The following KANK4 variants were observed in gnomAD, a reference collection of about 807,000 sequenced individuals.
The protein encoded by KANK4 is KN motif and ankyrin repeat domain-containing protein 4.
Under a neutral mutation model 80.8 loss-of-function variants are expected in KANK4, and 50 were observed. That is an observed-to-expected ratio of 0.62 (90% CI 0.49 to 0.78). The LOEUF (loss-of-function observed/expected upper bound fraction) is 0.78, where lower values mean the gene tolerates loss of function less well. Ranked by LOEUF, KANK4 falls within the 30% of genes least tolerant of loss-of-function variation. The pLI is 0.00. For missense variants in KANK4, 1,196 were observed against 1,240.1 expected (o/e 0.96, Z 0.53); for synonymous variants, 465 against 506.9 (o/e 0.92, Z 1.11).
intron 1 of KANK4, among the ~76,000 whole-genome samples, chr1:62,290,536 C>G (rs899714480): frequency 6.6e-6 from 1 of 152,130 alleles, no homozygotes. Context: ...TGTGCTGGTG[C>G]CCAGGATATA....
chr1:62,288,324 C>A (rs549801606), intron 1 of KANK4, among the ~76,000 whole-genome samples: 1 of 152,336 alleles, frequency 6.6e-6, no homozygotes, highest in Non-Finnish European at 1.5e-5. Context: ...CCAAGTCCAG[C>A]AAGATGGGGG....
chr1:62,240,102 A>C (rs1310125444), intron 9 of KANK4, among the ~76,000 whole-genome samples: 2 of 152,214 alleles, frequency 1.3e-5, no homozygotes, highest in Non-Finnish European at 2.9e-5. Flanking sequence ...TGTCTTCCAC[A>C]ATGGTTGAAC....
intron 1 of KANK4, among the ~76,000 whole-genome samples, chr1:62,306,942 T>G (rs772765893): frequency 2.0e-5 from 3 of 152,140 alleles, no homozygotes; most frequent in Non-Finnish European, 4.4e-5. Flanking sequence ...TTTTTAAGCT[T>G]AAAAGGATAA....
intron 1 of KANK4, among the ~76,000 whole-genome samples, chr1:62,303,566 T>C (rs1557508041): frequency 6.6e-6 from 1 of 152,028 alleles, no homozygotes; most frequent in Non-Finnish European, 1.5e-5. Context: ...CTGCCCAATA[T>C]CGTAGCCACC....
intron 1 of KANK4, among the ~76,000 whole-genome samples, chr1:62,282,735 A>G (rs553627367): frequency 6.6e-6 from 1 of 152,326 alleles, no homozygotes; most frequent in African/African-American, 2.4e-5. Flanking sequence ...CATCTCCTCC[A>G]GCCCGTTTGC....
chr1:62,288,031 C>A (rs1350739457), intron 1 of KANK4, among the ~76,000 whole-genome samples: 3 of 152,138 alleles, frequency 2.0e-5, no homozygotes, highest in Non-Finnish European at 4.4e-5. Flanking sequence ...GCTGGAGGCA[C>A]GCAGCATTTC....
intron 6 of KANK4, 33 bp downstream of exon 6, chr1:62,266,699 A>C (rs753735627): frequency 1.4e-6 from 2 of 1,425,642 alleles, no homozygotes; most frequent in African/African-American, 2.8e-5. Flanking sequence ...AACAGAAGGG[A>C]AATCTTTACA....
At chr1:62,241,411 A>G (rs989152706) in intron 9 of KANK4, among the ~76,000 whole-genome samples, 9 of 152,106 alleles carry the variant, frequency 5.9e-5, no homozygotes, top group Admixed American at 2.6e-4. Context: ...CAAAACATAC[A>G]AACTCTTTCC....
intron 7 of KANK4, among the ~76,000 whole-genome samples, chr1:62,258,755 CAA>C (rs1185551684): frequency 2.0e-5 from 3 of 152,074 alleles, no homozygotes; most frequent in Non-Finnish European, 4.4e-5. Context: ...AAATGAAAAG[CAA>C]AGAGTGTCTC....
At chr1:62,283,225 C>T (rs1433966085) in intron 1 of KANK4, among the ~76,000 whole-genome samples, 1 of 152,202 alleles carries the variant, frequency 6.6e-6, no homozygotes, top group Admixed American at 6.5e-5. Flanking sequence ...ATCGCAGCCT[C>T]TCCTGCTCCT....
intron 9 of KANK4, among the ~76,000 whole-genome samples, chr1:62,244,039 G>C (rs1356483436): frequency 6.6e-6 from 1 of 151,768 alleles, no homozygotes; most frequent in African/African-American, 2.4e-5. Context: ...CTAGATGTCA[G>C]ATTCAGCCTT....
chr1:62,237,536 TTTTC>T lies in KANK4; in HGVS notation c.*737_*740del, dbSNP rs1488735000. On this transcript the variant is annotated 3_prime_UTR_variant, in exon 10 of 10. Coordinates refer to ENST00000371153, the MANE Select transcript of KANK4 (RefSeq NM_181712.5). ...TGTGTCATTGGATTGAATTTCTTTT[TTTTC>T]TTTATTACATAGCAACTTACTAGAT... 1.3e-5 allele frequency: 2 copies of T among 152,172 alleles called. No homozygotes were observed. The highest frequency in any genetic ancestry group is 4.8e-5 in the African/African-American group (2 of 41,444). The allele number at this position is 152,172 out of a possible 1,614,324, so 9.4% of individuals were successfully genotyped here. A position where few individuals can be genotyped will look rare whatever the true frequency, so the allele number is the denominator to read the frequency against.
At chr1:62,239,081 A>G (rs1570950652) in intron 9 of KANK4, among the ~76,000 whole-genome samples, 1 of 120,802 alleles carries the variant, frequency 8.3e-6, no homozygotes, top group Non-Finnish European at 1.8e-5. Flanking sequence ...TTTTTTTTTA[A>G]TTTTTTAAAC....
In KANK4 at chr1:62,253,470, C is replaced by T. The variant is rs534887404; in HGVS notation, c.2540-261G>A. 3.9e-4 allele frequency among the ~76,000 whole-genome samples: 51 copies of T among 130,924 alleles called. 1 individual carries two copies. In the South Asian group the frequency reaches 0.011, roughly 27 times the overall value. 85.9% of individuals were successfully genotyped at this position (130,924 alleles called of 152,430 possible). A position where few individuals can be genotyped will look rare whatever the true frequency, so the allele number is the denominator to read the frequency against. On this transcript the variant is annotated intron_variant, in intron 7 of 9. Transcript: ENST00000371153. ...TGTCACCCAGGCTGGAGTGCAGTGA[C>T]TCAATCCCGTCTCACTGCAACCTCC...
chr1:62,275,554 C>A (rs1672289262), intron 2 of KANK4, among the ~76,000 whole-genome samples: 1 of 152,144 alleles, frequency 6.6e-6, no homozygotes, highest in Non-Finnish European at 1.5e-5. Flanking sequence ...GCAAAAACAA[C>A]CCTAACTTGC....
chr1:62,257,020 T>A (rs1570976898), intron 7 of KANK4, among the ~76,000 whole-genome samples: 1 of 152,190 alleles, frequency 6.6e-6, no homozygotes, highest in East Asian at 1.9e-4. Context: ...CTCAGTAGAA[T>A]GAGGTCTGAC....
intron 1 of KANK4, among the ~76,000 whole-genome samples, chr1:62,295,560 T>A (rs1232094132): frequency 6.6e-6 from 1 of 152,214 alleles, no homozygotes; most frequent in South Asian, 2.1e-4. Context: ...CCACTGATTA[T>A]CTACTGTTGG....
chr1:62,268,575 C>A, intron 4 of KANK4, 70 bp from the exon 5 acceptor site: 1 of 1,279,670 alleles, frequency 7.8e-7, no homozygotes, highest in Non-Finnish European at 1.1e-6. Flanking sequence ...CCAGTGAGAG[C>A]TGGGTGGGCC....
At chr1:62,255,648 GTTTA>G (rs989418937) in intron 7 of KANK4, among the ~76,000 whole-genome samples, 1 of 151,974 alleles carries the variant, frequency 6.6e-6, no homozygotes, top group African/African-American at 2.4e-5. Flanking sequence ...AATTTATTGA[GTTTA>G]TTTATTTATT....
Sources: gnomAD v4.1 joint callset for allele counts (sites outside exome capture counted in the v4.1 genomes callset) on GRCh38, gnomAD v4.1.1 for gene constraint, MANE v1.5 for transcripts, NCBI Gene and HGNC (gene_info 2026-07-23, HGNC 2026-07-21) for gene names.